SNX8: variants seen among roughly 807,000 people sequenced by gnomAD.
SNX8 encodes sorting nexin-8.
In SNX8, 25 loss-of-function variants were observed where a neutral mutation model predicts 51.6. The observed-to-expected ratio is 0.48, with a 90% confidence interval of 0.35 to 0.68. The LOEUF (loss-of-function observed/expected upper bound fraction) is 0.68, where lower values mean the gene tolerates loss of function less well. SNX8 is among the 30% of genes least tolerant of loss of function. SNX8 has a pLI of 0.00. For missense variants in SNX8, 695 were observed against 624.0 expected (o/e 1.11, Z -1.21); for synonymous variants, 324 against 277.0 (o/e 1.17, Z -1.68).
rs1404662540 is a variant in SNX8 at position 2,252,127 on chromosome 7, G to C, written c.*2929C>G. The C allele has an allele frequency of 6.6e-6, 1 of 152,066 alleles. No individual in the cohort carries two copies. The highest frequency in any genetic ancestry group is 2.4e-5 in the African/African-American group (1 of 41,344). The allele number at this position is 152,066 out of a possible 1,614,324, so 9.4% of individuals were successfully genotyped here. On this transcript the variant is annotated 3_prime_UTR_variant, in exon 11 of 11. Coordinates refer to ENST00000222990, the MANE Select transcript of SNX8 (RefSeq NM_013321.4). ...CATGATCGGCAGCCCCCTTCCCACAGCCCCGCCAGCCCACAACCCCCCTCC... is the reference window on the plus strand; with the variant it reads ...CATGATCGGCAGCCCCCTTCCCACACCCCCGCCAGCCCACAACCCCCCTCC...
chr7:2,268,667 C>G, intron 5 of SNX8, among the ~76,000 whole-genome samples: 1 of 75,928 alleles, frequency 1.3e-5, no homozygotes, highest in East Asian at 3.8e-4. Flanking sequence ...CCCGGCCGCC[C>G]CTACTGGGAA....
chr7:2,275,104 G>A lies in SNX8; in HGVS notation c.418+8C>T. The A allele has an allele frequency of 1.9e-6, 3 of 1,597,670 alleles. No individual in the cohort carries two copies. Among genetic ancestry groups the A allele is most frequent in the South Asian group, 2.2e-5 (2 of 90,768 alleles). ...TCCGCCCCCGGTGGGCAGCACGCCT[G>A]GCTTTACCTCCCAGCATTCTCTTGG... On this transcript the variant is annotated splice_region_variant and intron_variant, in intron 3 of 10. Transcript: ENST00000222990.
chr7:2,260,989 T>G (rs1161679408), intron 7 of SNX8, among the ~76,000 whole-genome samples: 1 of 152,196 alleles, frequency 6.6e-6, no homozygotes, highest in Non-Finnish European at 1.5e-5. Context: ...CATCCTGAGC[T>G]CTGCAGAGCC....
intron 2 of SNX8, 54 bp downstream of exon 2, chr7:2,278,046 A>T (rs1363794628): frequency 1.3e-6 from 2 of 1,583,570 alleles, no homozygotes; most frequent in African/African-American, 2.7e-5. Flanking sequence ...AGATGTTGAG[A>T]CGTGACCCTT....
At chr7:2,289,449 G>T (rs1292804859) in intron 1 of SNX8, among the ~76,000 whole-genome samples, 5 of 152,120 alleles carry the variant, frequency 3.3e-5, no homozygotes, top group African/African-American at 1.2e-4. Context: ...CCTCGCACAC[G>T]AGCCAACATT....
At chr7:2,340,826 C>T (rs937989352) in intron 1 of SNX8, among the ~76,000 whole-genome samples, 2 of 134,660 alleles carry the variant, frequency 1.5e-5, no homozygotes, top group Admixed American at 1.8e-4. Context: ...CACTGCACTC[C>T]AGCCTGGGTA....
Position 2,314,404 on chromosome 7 carries a change from C to T in SNX8, c.18G>A (p.Met6Ile), listed in dbSNP as rs1014198822. The T allele has an allele frequency of 5.7e-6, 7 of 1,218,690 alleles. No homozygotes were observed. Among genetic ancestry groups the T allele is most frequent in the African/African-American group, 4.7e-5 (3 of 63,784 alleles). The allele number at this position is 1,218,690 out of a possible 1,614,324, so 75.5% of individuals were successfully genotyped here. The change falls in exon 1 of 11, where the codon ATG becomes ATA. Residue 6 changes from methionine to isoleucine, a missense_variant. Transcript: ENST00000222990. Reference sequence around the variant, plus strand: ...CGACTGCAGCCGCGGGCAGCGGGTCCATCGCGCGGCCAGTCATGTGAGCCC... The same window carrying T: ...CGACTGCAGCCGCGGGCAGCGGGTCTATCGCGCGGCCAGTCATGTGAGCCC... MTGRA[M>I]DPLPAAAVGA...
In SNX8 at chr7:2,257,395, G is replaced by T. The variant is rs754650251; in HGVS notation, c.1104C>A (p.Ser368=). The change falls in exon 9 of 11, where the codon TCC becomes TCA. Residue 368 remains serine, a synonymous_variant. Transcript: ENST00000222990. The part of the protein sequence containing the change: ...SATAQNREPE[S]VEQLESRIVE... ...CAATGCGGGACTCCAGCTGCTCCAC[G>T]GACTCCGGCTCGCGGTTCTGCGCGG... 2 of 1,609,918 alleles carry T rather than the reference G, an allele frequency of 1.2e-6. No homozygotes were observed. Among genetic ancestry groups the T allele is most frequent in the Non-Finnish European group, 1.7e-6 (2 of 1,179,576 alleles).
At chr7:2,285,865 A>G (rs1191293160) in intron 1 of SNX8, among the ~76,000 whole-genome samples, 1 of 150,768 alleles carries the variant, frequency 6.6e-6, no homozygotes, top group Non-Finnish European at 1.5e-5. Context: ...TTTTGTAGAT[A>G]TGCGGGGGGG....
intron 1 of SNX8, among the ~76,000 whole-genome samples, chr7:2,312,700 C>CACCT (rs1342005820): frequency 6.6e-6 from 1 of 152,130 alleles, no homozygotes; most frequent in Non-Finnish European, 1.5e-5. Context: ...CTTCAGTCAT[C>CACCT]ACCTCCTCAG....
chr7:2,337,440 C>T (rs1437512823), intron 1 of SNX8, among the ~76,000 whole-genome samples: 1 of 124,762 alleles, frequency 8.0e-6, no homozygotes, highest in Non-Finnish European at 1.7e-5. Flanking sequence ...CAGAGCAAGA[C>T]CCTGTCACAA....
At chr7:2,344,033 CAAA>C (rs61399367) in intron 1 of SNX8, among the ~76,000 whole-genome samples, 4 of 58,944 alleles carry the variant, frequency 6.8e-5, no homozygotes, top group Admixed American at 1.9e-4. Context: ...AACTCCATCT[CAAA>C]AAAAAAAAAA....
intron 5 of SNX8, among the ~76,000 whole-genome samples, chr7:2,268,024 A>G (rs1446684626): frequency 1.3e-5 from 2 of 150,236 alleles, no homozygotes; most frequent in African/African-American, 2.5e-5. Context: ...GGAGGTGAGG[A>G]GCGTCTCTGC....
At chr7:2,279,914 T>A (rs1421780774) in intron 1 of SNX8, among the ~76,000 whole-genome samples, 1 of 152,198 alleles carries the variant, frequency 6.6e-6, no homozygotes, top group Non-Finnish European at 1.5e-5. Flanking sequence ...TGAAAAAGAA[T>A]CTTCCTTTTC....
rs145891962 is a variant in SNX8, at chr7:2,284,693, T to C, written c.95-6388A>G. On this transcript the variant is annotated intron_variant, in intron 1 of 10. Transcript: ENST00000222990. Reference sequence around the variant, plus strand: ...TGCTGGGATTACAGGCGTGAGCCACTGTGCCTGGCCTATTGCTTTTATTTC... The same window carrying C: ...TGCTGGGATTACAGGCGTGAGCCACCGTGCCTGGCCTATTGCTTTTATTTC... 1.8e-3 allele frequency among the ~76,000 whole-genome samples: 267 copies of C among 151,904 alleles called. 1 individual carries two copies. In the East Asian group the frequency reaches 0.025, roughly 14 times the overall value.
intron 5 of SNX8, among the ~76,000 whole-genome samples, chr7:2,267,376 G>A (rs1006489946): frequency 1.8e-4 from 23 of 124,372 alleles, no homozygotes; most frequent in Admixed American, 9.0e-5. Flanking sequence ...ATGCGGAGCC[G>A]AAGCTGGACT....
At chr7:2,341,258 T>C (rs997355088) in intron 1 of SNX8, among the ~76,000 whole-genome samples, 3 of 150,490 alleles carry the variant, frequency 2.0e-5, no homozygotes, top group Non-Finnish European at 4.4e-5. Flanking sequence ...GTGGCTCACA[T>C]GAGGCTGAGG....
rs142991724 is a variant in SNX8, at chr7:2,264,443, C to T, written c.637G>A (p.Asp213Asn). Residue 213 changes from aspartate (D) to asparagine (N), a missense_variant, in exon 6 of 11, where the codon GAC becomes AAC. By Grantham distance (23) the Asp-to-Asn change is conservative. Transcript: ENST00000222990. ...ATRAKDFLPA[D>N]IQAQFAISRE... Reference sequence around the variant, plus strand: ...CTGATGGCAAACTGAGCCTGGATGTCAGCTGGGAGGAAGTCCTGACATCAT... The same window carrying T: ...CTGATGGCAAACTGAGCCTGGATGTTAGCTGGGAGGAAGTCCTGACATCAT... 2.1e-5 allele frequency: 34 copies of T among 1,611,252 alleles called. No homozygotes were observed. The African/African-American group carries it at 4.3e-4, about 20-fold the overall frequency.
intron 1 of SNX8, among the ~76,000 whole-genome samples, chr7:2,303,397 G>C (rs186598294): frequency 6.6e-6 from 1 of 151,510 alleles, no homozygotes. Context: ...CTGCCCGGCC[G>C]CCCCTACTGG....
Sources: gnomAD v4.1 joint callset for allele counts (sites outside exome capture counted in the v4.1 genomes callset) on GRCh38, gnomAD v4.1.1 for gene constraint, MANE v1.5 for transcripts, NCBI Gene and HGNC (gene_info 2026-07-23, HGNC 2026-07-21) for gene names.